The following OR56A1 variants were observed in gnomAD, a reference collection of about 807,000 sequenced individuals.
The protein encoded by OR56A1 is olfactory receptor 56A1.
For synonymous variants in OR56A1, 174 were observed against 159.1 expected, an observed-to-expected ratio of 1.09 and a Z score of -0.70; for missense variants, 360 against 380.9, an observed-to-expected ratio of 0.94 and a Z score of 0.46.
At position 6,024,645 on chromosome 11, in the gene OR56A1, CAT is replaced by C. The variant is rs1848429313; in HGVS notation, c.*2101_*2102del. 1 of 152,114 alleles carries C rather than the reference CAT, an allele frequency of 6.6e-6. No individual in the cohort carries two copies. The highest frequency in any genetic ancestry group is 2.4e-5 in the African/African-American group (1 of 41,420). 9.4% of individuals were successfully genotyped at this position (152,114 alleles called of 1,614,324 possible). A position where few individuals can be genotyped will look rare whatever the true frequency, so the allele number is the denominator to read the frequency against. On this transcript the variant is annotated 3_prime_UTR_variant, in exon 2 of 2. Transcript: ENST00000641900. Reference sequence around the variant, plus strand: ...CTTATGAAAATTAAATATTATTATTCATAGACATTGGTATATTGCAAGTGCTC... The same window carrying C: ...CTTATGAAAATTAAATATTATTATTCAGACATTGGTATATTGCAAGTGCTC...
At chr11:6,033,265 A>G (rs1393073112), upstream of OR56A1, among the ~76,000 whole-genome samples, 2 of 151,996 alleles carry the variant, frequency 1.3e-5, no homozygotes, top group Non-Finnish European at 2.9e-5. Context: ...GAAAGTCTGG[A>G]ACAGGAGGAA....
In OR56A1 at chr11:6,026,726, G is replaced by T; in HGVS notation, c.*22C>A. The T allele has an allele frequency of 7.2e-7, 1 of 1,394,628 alleles. No homozygotes were observed. Among genetic ancestry groups the T allele is most frequent in the Non-Finnish European group, 1.0e-6 (1 of 1,003,058 alleles). The allele number at this position is 1,394,628 out of a possible 1,614,324, so 86.4% of individuals were successfully genotyped here. On this transcript the variant is annotated 3_prime_UTR_variant, in exon 2 of 2. Transcript: ENST00000641900. ...AATCACTGAAGAGGAAGAACAGGAG[G>T]TATTAGAAATGCTTTACATATTCAC...
At chr11:6,031,972 A>C (rs1848517013), upstream of OR56A1, among the ~76,000 whole-genome samples, 1 of 152,142 alleles carries the variant, frequency 6.6e-6, no homozygotes, top group Non-Finnish European at 1.5e-5. Flanking sequence ...GATGCCCCAG[A>C]AAAAACCAAG....
chr11:6,031,054 C>G (rs560898633), upstream of OR56A1, among the ~76,000 whole-genome samples: 2 of 152,170 alleles, frequency 1.3e-5, no homozygotes, highest in Admixed American at 1.3e-4. Context: ...TTTCCTAAAG[C>G]TGCTAACAAC....
In OR56A1 at chr11:6,022,897, T is replaced by C. The variant is rs1451386479; in HGVS notation, c.*3851A>G. The C allele has an allele frequency of 1.3e-5, 2 of 152,234 alleles. No individual in the cohort carries two copies. Among genetic ancestry groups the C allele is most frequent in the Non-Finnish European group, 2.9e-5 (2 of 68,028 alleles). 9.4% of individuals were successfully genotyped at this position (152,234 alleles called of 1,614,324 possible). On this transcript the variant is annotated 3_prime_UTR_variant, in exon 2 of 2. Coordinates refer to ENST00000641900, the MANE Select transcript of OR56A1 (RefSeq NM_001388488.1). ...CAAATGCTGATAGTGTAATATGTTATGAAACACTAAGGATATTCACTATTC... is the reference window on the plus strand; with the variant it reads ...CAAATGCTGATAGTGTAATATGTTACGAAACACTAAGGATATTCACTATTC...
In OR56A1 at chr11:6,019,518, G is replaced by A. The variant is rs12419627; in HGVS notation, c.*7230C>T. On this transcript the variant is annotated 3_prime_UTR_variant, in exon 2 of 2. Transcript: ENST00000641900. ...CTGGGGAAGCCTCACAATCATGGCA[G>A]AAGACAAGAAGGAGCAACTTACATC... 23,561 of 152,222 alleles carry A rather than the reference G, an allele frequency of 0.15. 1,948 individuals are homozygous for A. The highest frequency in any genetic ancestry group is 0.2 in the Admixed American group (3,012 of 15,276). The allele number at this position is 152,222 out of a possible 1,614,324, so 9.4% of individuals were successfully genotyped here.
chr11:6,025,506 G>T lies in OR56A1; in HGVS notation c.*1242C>A, dbSNP rs892476207. The T allele has an allele frequency of 6.6e-6, 1 of 152,240 alleles. No individual in the cohort carries two copies. Among genetic ancestry groups the T allele is most frequent in the Non-Finnish European group, 1.5e-5 (1 of 68,088 alleles). The allele number at this position is 152,240 out of a possible 1,614,324, so 9.4% of individuals were successfully genotyped here. On this transcript the variant is annotated 3_prime_UTR_variant, in exon 2 of 2. Coordinates refer to ENST00000641900, the MANE Select transcript of OR56A1 (RefSeq NM_001388488.1). ...GGAATTGATTCTAGTCTCCAGATTG[G>T]TTGGTTGGTTGATTGGTTTTGGTTT...
In OR56A1 at chr11:6,022,382, A is replaced by G. The variant is rs1443444581; in HGVS notation, c.*4366T>C. ...TTGATGTGGAGCAAAGCCCTCATGC[A>G]TTGGAATGAGGTGTGGGTGAGAAGT... is the stretch of plus-strand genomic sequence containing the variant. On this transcript the variant is annotated 3_prime_UTR_variant, in exon 2 of 2. Coordinates refer to ENST00000641900, the MANE Select transcript of OR56A1 (RefSeq NM_001388488.1). 6.6e-6 allele frequency: 1 copy of G among 152,180 alleles called. No homozygotes were observed. The highest frequency in any genetic ancestry group is 1.5e-5 in the Non-Finnish European group (1 of 68,028). 9.4% of individuals were successfully genotyped at this position (152,180 alleles called of 1,614,324 possible).
rs746712242 is a variant in OR56A1 at position 6,027,343 on chromosome 11, G to A, written c.350C>T (p.Thr117Met). 24 of 1,614,108 alleles carry A rather than the reference G, an allele frequency of 1.5e-5. No individual in the cohort carries two copies. The highest frequency in any genetic ancestry group is 3.3e-5 in the Admixed American group (2 of 60,012). The change falls in exon 2 of 2, where the codon ACG becomes ATG. Residue 117 changes from threonine (T) to methionine (M), a missense_variant. Thr to Met is a moderately conservative substitution (Grantham distance 81). Coordinates refer to ENST00000641900, the MANE Select transcript of OR56A1 (RefSeq NM_001388488.1). The stretch of plus-strand genomic sequence containing the variant: ...ACGGTCATAGGCCATGACCATAAAC[G>A]TGCAGGACTCCATGGGGAGGAAACT... Reference protein sequence around the residue: ...MNSFLPMESCTFMVMAYDRYV... With the variant: ...MNSFLPMESCMFMVMAYDRYV...
chr11:6,034,083 C>G (rs1848536803), upstream of OR56A1, among the ~76,000 whole-genome samples: 1 of 152,174 alleles, frequency 6.6e-6, no homozygotes, highest in South Asian at 2.1e-4. Context: ...ATCAAACCCT[C>G]TTATCTGAAG....
chr11:6,033,320 C>T (rs749130555), upstream of OR56A1, among the ~76,000 whole-genome samples: 9 of 151,412 alleles, frequency 5.9e-5, no homozygotes, highest in Non-Finnish European at 7.4e-5. Context: ...AGTGGAAGTA[C>T]GTATATAAAC....
chr11:6,021,434 G>C lies in OR56A1; in HGVS notation c.*5314C>G, dbSNP rs1848394917. The C allele has an allele frequency of 6.6e-6, 1 of 152,072 alleles. No individual in the cohort carries two copies. Among genetic ancestry groups the C allele is most frequent in the Non-Finnish European group, 1.5e-5 (1 of 67,974 alleles). 9.4% of individuals were successfully genotyped at this position (152,072 alleles called of 1,614,324 possible). On this transcript the variant is annotated 3_prime_UTR_variant, in exon 2 of 2. Coordinates refer to ENST00000641900, the MANE Select transcript of OR56A1 (RefSeq NM_001388488.1). ...CAACACAAAGTAATGATAAATGTTT[G>C]AGATGATGGATATGCTAATTACCCT...
chr11:6,021,113 A>G lies in OR56A1; in HGVS notation c.*5635T>C, dbSNP rs2133595430. The stretch of plus-strand genomic sequence containing the variant: ...AGAAGACAATATAGAAAAGAAAAGT[A>G]ATGGAAATTATGCCTAAGAAAATCC... On this transcript the variant is annotated 3_prime_UTR_variant, in exon 2 of 2. Transcript: ENST00000641900. 6.6e-6 allele frequency: 1 copy of G among 152,200 alleles called. No individual in the cohort carries two copies. Among genetic ancestry groups the G allele is most frequent in the Middle Eastern group, 3.4e-3 (1 of 294 alleles). The allele number at this position is 152,200 out of a possible 1,614,324, so 9.4% of individuals were successfully genotyped here.
rs1848391440 is a variant in OR56A1, at chr11:6,021,114, A to G, written c.*5634T>C. 1 of 152,120 alleles carries G rather than the reference A, an allele frequency of 6.6e-6. No homozygotes were observed. Among genetic ancestry groups the G allele is most frequent in the African/African-American group, 2.4e-5 (1 of 41,454 alleles). The allele number at this position is 152,120 out of a possible 1,614,324, so 9.4% of individuals were successfully genotyped here. ...GAAGACAATATAGAAAAGAAAAGTA[A>G]TGGAAATTATGCCTAAGAAAATCCT... On this transcript the variant is annotated 3_prime_UTR_variant, in exon 2 of 2. Coordinates refer to ENST00000641900, the MANE Select transcript of OR56A1 (RefSeq NM_001388488.1).
intron 1 of OR56A1, among the ~76,000 whole-genome samples, chr11:6,028,515 G>A (rs982691522): frequency 6.6e-6 from 1 of 152,044 alleles, no homozygotes; most frequent in Non-Finnish European, 1.5e-5. Flanking sequence ...GGAGAAAGTA[G>A]AAAGTAATCA....
At position 6,025,806 on chromosome 11, in the gene OR56A1, T is replaced by C. The variant is rs1018353729; in HGVS notation, c.*942A>G. The stretch of plus-strand genomic sequence containing the variant: ...TTATCTGTTACTTGAACCTCCTTTT[T>C]TTCATCATTGTCTCCAATACCCACT... On this transcript the variant is annotated 3_prime_UTR_variant, in exon 2 of 2. Transcript: ENST00000641900. The C allele has an allele frequency of 6.6e-6, 1 of 152,262 alleles. No individual in the cohort carries two copies. Among genetic ancestry groups the C allele is most frequent in the African/African-American group, 2.4e-5 (1 of 41,472 alleles). The allele number at this position is 152,262 out of a possible 1,614,324, so 9.4% of individuals were successfully genotyped here. A position where few individuals can be genotyped will look rare whatever the true frequency, so the allele number is the denominator to read the frequency against.
rs932994886 is a variant in OR56A1 at position 6,026,377 on chromosome 11, G to A, written c.*371C>T. On this transcript the variant is annotated 3_prime_UTR_variant, in exon 2 of 2. Transcript: ENST00000641900. The stretch of plus-strand genomic sequence containing the variant: ...GCAATTGATGAGGCATTTCAACTAT[G>A]TAGAAAGAGCCTAGGTTTTATTGTT... 5 of 176,820 alleles carry A rather than the reference G, an allele frequency of 2.8e-5. No homozygotes were observed. Among genetic ancestry groups the A allele is most frequent in the African/African-American group, 4.7e-5 (2 of 42,144 alleles). 11.0% of individuals were successfully genotyped at this position (176,820 alleles called of 1,614,324 possible).
At chr11:6,031,839 G>A (rs766858820), upstream of OR56A1, among the ~76,000 whole-genome samples, 1 of 152,062 alleles carries the variant, frequency 6.6e-6, no homozygotes, top group Non-Finnish European at 1.5e-5. Flanking sequence ...ATAGCCTGTA[G>A]AGTTGGAATA....
At position 6,025,900 on chromosome 11, in the gene OR56A1, C is replaced by T. The variant is rs969245240; in HGVS notation, c.*848G>A. On this transcript the variant is annotated 3_prime_UTR_variant, in exon 2 of 2. Coordinates refer to ENST00000641900, the MANE Select transcript of OR56A1 (RefSeq NM_001388488.1). ...AGGTTTTTTTTCACCTAACTGGAAC[C>T]ATTATTATCCAGAAACCTGACACTA... is the stretch of plus-strand genomic sequence containing the variant. 6.6e-6 allele frequency: 1 copy of T among 152,100 alleles called. No individual in the cohort carries two copies. The highest frequency in any genetic ancestry group is 2.4e-5 in the African/African-American group (1 of 41,412). 9.4% of individuals were successfully genotyped at this position (152,100 alleles called of 1,614,324 possible).
Sources: allele counts gnomAD v4.1 joint callset (sites outside exome capture counted in the v4.1 genomes callset), GRCh38; gene constraint gnomAD v4.1.1; transcripts MANE v1.5; gene names NCBI Gene and HGNC (gene_info 2026-07-23, HGNC 2026-07-21).